The following KCTD16 variants were observed in gnomAD, a reference collection of about 807,000 sequenced individuals.
KCTD16 encodes BTB/POZ domain-containing protein KCTD16.
A neutral mutation model predicts 33.2 loss-of-function variants in KCTD16; 13 were observed. The observed-to-expected ratio is 0.39, with a 90% CI of 0.25 to 0.62. KCTD16 has a LOEUF of 0.62. Among genes scored for constraint, KCTD16 ranks in the 20% least tolerant of loss-of-function variants. KCTD16 has a pLI of 0.50. For synonymous variants in KCTD16, 197 were observed against 195.3 expected, an observed-to-expected ratio of 1.01 and a Z score of -0.07; for missense variants, 441 against 525.1, an observed-to-expected ratio of 0.84 and a Z score of 1.57.
At chr5:144,472,419 G>T (rs570343273) in intron 3 of KCTD16, among the ~76,000 whole-genome samples, 1 of 152,266 alleles carries the variant, frequency 6.6e-6, no homozygotes, top group Admixed American at 6.5e-5. Flanking sequence ...GAGCCACTGT[G>T]CATCTGCAAC....
intron 3 of KCTD16, among the ~76,000 whole-genome samples, chr5:144,414,914 C>T (rs1753012043): frequency 1.3e-5 from 2 of 152,200 alleles, no homozygotes; most frequent in South Asian, 4.1e-4. Flanking sequence ...CAGACACACA[C>T]ACTCCTTTTT....
chr5:144,215,095 C>A (rs1753518897), intron 3 of KCTD16, among the ~76,000 whole-genome samples: 1 of 152,110 alleles, frequency 6.6e-6, no homozygotes, highest in Non-Finnish European at 1.5e-5. Context: ...ATGTTATTTT[C>A]TAACTTTCAC....
At chr5:144,311,946 CT>C (rs767632093) in intron 3 of KCTD16, among the ~76,000 whole-genome samples, 1,656 of 149,388 alleles carry the variant, frequency 0.011, 28 homozygotes, top group African/African-American at 0.038. Context: ...AAGGTGATTT[CT>C]TTTTTTTTTC....
At chr5:144,313,718 C>T (rs73295825) in intron 3 of KCTD16, among the ~76,000 whole-genome samples, 2,172 of 152,184 alleles carry the variant, frequency 0.014, 53 homozygotes, top group African/African-American at 0.05. Flanking sequence ...GATGAGCTGA[C>T]AATTTCTGGG....
At chr5:144,309,154 A>C (rs989426813) in intron 3 of KCTD16, among the ~76,000 whole-genome samples, 1 of 152,158 alleles carries the variant, frequency 6.6e-6, no homozygotes, top group Non-Finnish European at 1.5e-5. Context: ...CAGTGAGAAG[A>C]GGTGAAAGGT....
At chr5:144,227,608 T>C (rs930125506) in intron 3 of KCTD16, among the ~76,000 whole-genome samples, 1 of 152,224 alleles carries the variant, frequency 6.6e-6, no homozygotes, top group Non-Finnish European at 1.5e-5. Flanking sequence ...ATTTGACATA[T>C]ATTTTAACAA....
intron 3 of KCTD16, among the ~76,000 whole-genome samples, chr5:144,270,608 C>G (rs1219077086): frequency 6.8e-6 from 1 of 147,468 alleles, no homozygotes; most frequent in East Asian, 2.0e-4. Flanking sequence ...AATCAACAAC[C>G]TAATTTTACA....
chr5:144,224,258 AG>A (rs1753855868), intron 3 of KCTD16, among the ~76,000 whole-genome samples: 1 of 152,082 alleles, frequency 6.6e-6, no homozygotes, highest in South Asian at 2.1e-4. Context: ...TATTGAAAAC[AG>A]GGTGTGGAAG....
intron 3 of KCTD16, among the ~76,000 whole-genome samples, chr5:144,250,034 T>TAAATA (rs1754655282): frequency 6.6e-6 from 1 of 152,228 alleles, no homozygotes; most frequent in Non-Finnish European, 1.5e-5. Flanking sequence ...CTGGTATATT[T>TAAATA]AAATAACTTT....
chr5:144,453,836 G>T (rs1754000575), intron 3 of KCTD16, among the ~76,000 whole-genome samples: 2 of 152,008 alleles, frequency 1.3e-5, no homozygotes, highest in Admixed American at 1.3e-4. Flanking sequence ...TTTTAGACTG[G>T]CCTTAATCTG....
At chr5:144,424,984 C>G (rs893029954) in intron 3 of KCTD16, among the ~76,000 whole-genome samples, 1 of 152,060 alleles carries the variant, frequency 6.6e-6, no homozygotes, top group African/African-American at 2.4e-5. Context: ...CAATAGCTCC[C>G]AAATCTTAAC....
At chr5:144,207,626 T>C in intron 3 of KCTD16, 80 bp downstream of exon 3, 1 of 992,762 alleles carries the variant, frequency 1.0e-6, no homozygotes. Flanking sequence ...GTTCTCTCCA[T>C]ACCTAAGGAA....
At chr5:144,418,197 G>C (rs1053016946) in intron 3 of KCTD16, among the ~76,000 whole-genome samples, 10 of 152,142 alleles carry the variant, frequency 6.6e-5, no homozygotes, top group African/African-American at 1.7e-4. Context: ...AGGTAGTGCA[G>C]ACCCAAAGCA....
At chr5:144,183,689 C>T (rs1752670359) in intron 2 of KCTD16, among the ~76,000 whole-genome samples, 1 of 152,082 alleles carries the variant, frequency 6.6e-6, no homozygotes, top group South Asian at 2.1e-4. Flanking sequence ...CTTCTCCTAC[C>T]CTACTAGAAA....
chr5:144,271,946 T>A (rs1014043905), intron 3 of KCTD16, among the ~76,000 whole-genome samples: 3 of 151,826 alleles, frequency 2.0e-5, no homozygotes, highest in Non-Finnish European at 4.4e-5. Flanking sequence ...TACATAGGAA[T>A]CAACGTAACC....
chr5:144,381,099 A>G (rs1203430261), intron 3 of KCTD16, among the ~76,000 whole-genome samples: 2 of 152,176 alleles, frequency 1.3e-5, no homozygotes, highest in South Asian at 4.1e-4. Context: ...AACTTAAACA[A>G]ATTAACAAGG....
intron 3 of KCTD16, among the ~76,000 whole-genome samples, chr5:144,399,427 G>T (rs1037210511): frequency 1.3e-5 from 2 of 151,764 alleles, no homozygotes; most frequent in Admixed American, 1.3e-4. Context: ...TTTGTAATTT[G>T]TTGTTACTGC....
At chr5:144,275,767 G>T (rs1015210096) in intron 3 of KCTD16, among the ~76,000 whole-genome samples, 1 of 151,964 alleles carries the variant, frequency 6.6e-6, no homozygotes. Flanking sequence ...ATGAGATGAG[G>T]ATCTGCTCAA....
intron 2 of KCTD16, among the ~76,000 whole-genome samples, chr5:144,205,059 CT>C (rs1405752270): frequency 6.6e-6 from 1 of 151,992 alleles, no homozygotes; most frequent in Non-Finnish European, 1.5e-5. Flanking sequence ...TATCTCACAA[CT>C]TACCTCTTGG....
Sources: gnomAD v4.1 joint callset for allele counts (sites outside exome capture counted in the v4.1 genomes callset) on GRCh38, gnomAD v4.1.1 for gene constraint, MANE v1.5 for transcripts, NCBI Gene and HGNC (gene_info 2026-07-23, HGNC 2026-07-21) for gene names.